Variants in CDH13 observed in about 807,000 individuals in gnomAD.
CDH13 encodes the protein cadherin 13.
A neutral mutation model predicts 63.8 loss-of-function variants in CDH13; 24 were observed. The observed-to-expected ratio is 0.38, with a 90% CI of 0.27 to 0.53. The LOEUF (loss-of-function observed/expected upper bound fraction) is 0.53. CDH13 is among the 20% of genes least tolerant of loss of function. The pLI, the probability that CDH13 is intolerant of heterozygous loss-of-function variation, is 0.85. For synonymous variants in CDH13, 503 were observed against 355.3 expected, an observed-to-expected ratio of 1.42 and a Z score of -4.67; for missense variants, 1,049 against 903.1, an observed-to-expected ratio of 1.16 and a Z score of -2.07.
intron 5 of CDH13, among the ~76,000 whole-genome samples, chr16:83,260,187 G>T (rs902591731): frequency 6.7e-6 from 1 of 150,204 alleles, no homozygotes; most frequent in South Asian, 2.1e-4. Flanking sequence ...AGTCTATGTG[G>T]TGCTTTGTAG....
chr16:83,617,256 C>A (rs962781354), intron 8 of CDH13, among the ~76,000 whole-genome samples: 1 of 152,184 alleles, frequency 6.6e-6, no homozygotes, highest in African/African-American at 2.4e-5. Context: ...TATTACAGAA[C>A]TGTGTTTTGG....
At chr16:82,962,719 T>C (rs1907208938) in intron 2 of CDH13, among the ~76,000 whole-genome samples, 1 of 152,244 alleles carries the variant, frequency 6.6e-6, no homozygotes, top group South Asian at 2.1e-4. Context: ...ATTTCATTTC[T>C]GAAAACTGGT....
chr16:83,375,626 T>TC (rs775930030), intron 6 of CDH13, among the ~76,000 whole-genome samples: 14 of 152,128 alleles, frequency 9.2e-5, no homozygotes, highest in Admixed American at 5.2e-4. Flanking sequence ...TGGGTAAATA[T>TC]CCCAGGAAAA....
intron 1 of CDH13, among the ~76,000 whole-genome samples, chr16:82,672,703 A>T (rs895975410): frequency 2.0e-5 from 3 of 151,246 alleles, no homozygotes; most frequent in African/African-American, 7.3e-5. Context: ...TCTCCATAGA[A>T]TTCCTTGTGA....
chr16:83,743,497 C>G (rs143068906), intron 10 of CDH13, among the ~76,000 whole-genome samples: 1 of 152,050 alleles, frequency 6.6e-6, no homozygotes, highest in Non-Finnish European at 1.5e-5. Flanking sequence ...AATTGTACAA[C>G]AAAATTATGG....
chr16:82,853,158 C>T (rs2151156795), intron 1 of CDH13, among the ~76,000 whole-genome samples: 1 of 152,202 alleles, frequency 6.6e-6, no homozygotes, highest in South Asian at 2.1e-4. Context: ...GCTTGGTGTC[C>T]TACAGAGGTA....
chr16:82,763,072 C>A (rs759470610), intron 1 of CDH13, among the ~76,000 whole-genome samples: 17 of 152,142 alleles, frequency 1.1e-4, no homozygotes, highest in Non-Finnish European at 1.5e-5. Context: ...TGAGTATGGA[C>A]CTTGGGCCTC....
intron 5 of CDH13, among the ~76,000 whole-genome samples, chr16:83,236,823 G>A (rs2040158642): frequency 2.0e-5 from 3 of 152,152 alleles, no homozygotes; most frequent in South Asian, 2.1e-4. Flanking sequence ...GGGGTGGGAA[G>A]GAGGGCCTAC....
At chr16:83,062,678 G>A (rs367865201) in intron 3 of CDH13, among the ~76,000 whole-genome samples, 80 of 152,294 alleles carry the variant, frequency 5.3e-4, no homozygotes, top group African/African-American at 1.8e-3. Context: ...AGGTGTTTCA[G>A]TTAGCTATGG....
chr16:83,441,599 G>A lies in CDH13; in HGVS notation c.782-44878G>A, dbSNP rs187378030. On this transcript the variant is annotated intron_variant, in intron 6 of 13. Coordinates refer to ENST00000567109, the MANE Select transcript of CDH13 (RefSeq NM_001257.5). ...TTTTGCATGCCATTCCTTAGAGTTG[G>A]GCAGCTTTTGCAAGCTGTGAGAAGC... 1.7e-3 allele frequency among the ~76,000 whole-genome samples: 256 copies of A among 152,200 alleles called. 1 individual carries two copies. The Middle Eastern group carries it at 0.024, about 14-fold the overall frequency.
intron 2 of CDH13, among the ~76,000 whole-genome samples, chr16:82,918,949 T>G (rs1597212994): frequency 1.3e-5 from 2 of 152,220 alleles, no homozygotes; most frequent in South Asian, 4.1e-4. Context: ...ATCAACCAAA[T>G]TTTTAAAAAT....
At chr16:83,445,778 G>A (rs1409139432) in intron 6 of CDH13, among the ~76,000 whole-genome samples, 1 of 152,128 alleles carries the variant, frequency 6.6e-6, no homozygotes, top group Admixed American at 6.5e-5. Flanking sequence ...TTGTCCTAAG[G>A]TAGGGGGAGA....
chr16:83,296,455 T>A (rs2089599602), intron 5 of CDH13, among the ~76,000 whole-genome samples: 1 of 152,126 alleles, frequency 6.6e-6, no homozygotes, highest in African/African-American at 2.4e-5. Flanking sequence ...GAGTATAGTT[T>A]AAGGGCAGAC....
At chr16:82,973,598 T>C (rs1212463417) in intron 2 of CDH13, among the ~76,000 whole-genome samples, 1 of 152,212 alleles carries the variant, frequency 6.6e-6, no homozygotes, top group Non-Finnish European at 1.5e-5. Flanking sequence ...CACAAGACAG[T>C]GTGCAAGAAT....
At chr16:83,523,459 T>A (rs1241989202) in intron 7 of CDH13, among the ~76,000 whole-genome samples, 1 of 152,178 alleles carries the variant, frequency 6.6e-6, no homozygotes, top group East Asian at 1.9e-4. Flanking sequence ...CCTACCCTTT[T>A]CATTATCCTT....
At chr16:82,655,006 C>G (rs915670006) in intron 1 of CDH13, among the ~76,000 whole-genome samples, 1 of 152,200 alleles carries the variant, frequency 6.6e-6, no homozygotes, top group Non-Finnish European at 1.5e-5. Flanking sequence ...TTTAGTCATT[C>G]TCTTGGCTCT....
intron 6 of CDH13, among the ~76,000 whole-genome samples, chr16:83,357,427 C>G (rs1486299301): frequency 6.6e-6 from 1 of 152,130 alleles, no homozygotes; most frequent in Non-Finnish European, 1.5e-5. Context: ...TAGATTTTCA[C>G]TAGCTTTGGA....
intron 8 of CDH13, among the ~76,000 whole-genome samples, chr16:83,665,778 C>T (rs964640849): frequency 2.0e-5 from 3 of 152,154 alleles, no homozygotes; most frequent in Non-Finnish European, 4.4e-5. Context: ...CTGTGTCTTT[C>T]CAGCCTTCTG....
At chr16:83,143,787 C>A (rs566474546) in intron 4 of CDH13, among the ~76,000 whole-genome samples, 2 of 152,164 alleles carry the variant, frequency 1.3e-5, no homozygotes, top group African/African-American at 4.8e-5. Context: ...TCCTTCGTTT[C>A]CAGGCTTTCT....
Sources: gnomAD v4.1 joint callset for allele counts (sites outside exome capture counted in the v4.1 genomes callset) on GRCh38, gnomAD v4.1.1 for gene constraint, MANE v1.5 for transcripts, NCBI Gene and HGNC (gene_info 2026-07-23, HGNC 2026-07-21) for gene names.